Variants in BCKDHB observed in about 807,000 individuals in gnomAD.
The protein encoded by BCKDHB is 2-oxoisovalerate dehydrogenase subunit beta, mitochondrial.
In BCKDHB, 41 loss-of-function variants were observed where a neutral mutation model predicts 48.5. The ratio of observed to expected loss-of-function variants is 0.85; its 90% CI spans 0.66 to 1.10. The LOEUF is 1.10. Ranked by LOEUF, BCKDHB falls within the 50% of genes least tolerant of loss-of-function variation. BCKDHB has a pLI of 0.00. For missense variants in BCKDHB, 496 were observed against 494.2 expected, an observed-to-expected ratio of 1.00 and a Z score of -0.03; for synonymous variants, 201 against 174.8, an observed-to-expected ratio of 1.15 and a Z score of -1.18.
intron 9 of BCKDHB, among the ~76,000 whole-genome samples, chr6:80,277,116 A>G (rs1372956852): frequency 1.3e-5 from 2 of 152,052 alleles, no homozygotes; most frequent in Non-Finnish European, 2.9e-5. Flanking sequence ...ATAACTTAAA[A>G]TGCTTCTTTT....
chr6:80,107,380 TACTC>T (rs934563317), intron 1 of BCKDHB, among the ~76,000 whole-genome samples: 8 of 145,292 alleles, frequency 5.5e-5, no homozygotes, highest in African/African-American at 1.3e-4. Context: ...TCAATTCAGT[TACTC>T]AGTCCCTTGG....
chr6:80,386,525 T>A, the BCKDHB span, among the ~76,000 whole-genome samples: 1 of 152,152 alleles, frequency 6.6e-6, no homozygotes, highest in Non-Finnish European at 1.5e-5. Context: ...CTTCTCTGGA[T>A]GTCAGATCTA....
chr6:80,113,410 C>T (rs1769516871), intron 1 of BCKDHB, among the ~76,000 whole-genome samples: 1 of 152,184 alleles, frequency 6.6e-6, no homozygotes, highest in African/African-American at 2.4e-5. Flanking sequence ...GGCCTCTCAC[C>T]CAAACTGGGC....
At chr6:80,186,225 G>C (rs1054168254) in intron 6 of BCKDHB, among the ~76,000 whole-genome samples, 1 of 152,116 alleles carries the variant, frequency 6.6e-6, no homozygotes, top group Non-Finnish European at 1.5e-5. Context: ...TGAGGTGGGG[G>C]CAGGCCTAGG....
chr6:80,293,142 T>G (rs1767023060), intron 9 of BCKDHB, among the ~76,000 whole-genome samples: 1 of 152,156 alleles, frequency 6.6e-6, no homozygotes, highest in Non-Finnish European at 1.5e-5. Flanking sequence ...CTTCGCACGC[T>G]CCACTAGGGA....
At chr6:80,197,895 T>A (rs1774201389) in intron 6 of BCKDHB, among the ~76,000 whole-genome samples, 1 of 152,138 alleles carries the variant, frequency 6.6e-6, no homozygotes. Context: ...CCTCTCTGTC[T>A]ATTTGTCCAC....
intron 8 of BCKDHB, among the ~76,000 whole-genome samples, chr6:80,271,995 C>A (rs1777765637): frequency 6.6e-6 from 1 of 151,994 alleles, no homozygotes; most frequent in African/African-American, 2.4e-5. Flanking sequence ...GTGACTCTTA[C>A]AAATGGCATA....
chr6:80,207,540 A>C (rs932012412), intron 8 of BCKDHB, among the ~76,000 whole-genome samples: 1 of 151,898 alleles, frequency 6.6e-6, no homozygotes, highest in East Asian at 1.9e-4. Flanking sequence ...AAGTAATTAA[A>C]TTAAATACAA....
At chr6:80,386,697 G>A in the BCKDHB span, among the ~76,000 whole-genome samples, 1 of 152,226 alleles carries the variant, frequency 6.6e-6, no homozygotes, top group East Asian at 1.9e-4. Context: ...AGAATAGTAG[G>A]ACTTGTGTAG....
rs75167121 is a variant in BCKDHB at position 80,112,187 on chromosome 6, A to G, written c.196+5298A>G. On this transcript the variant is annotated intron_variant, in intron 1 of 9. Transcript: ENST00000320393. Reference sequence around the variant, plus strand: ...CATCTAGACATGTATACACAAACACAAATGAAGATCCAATAGCTTTTTACC... The same window carrying G: ...CATCTAGACATGTATACACAAACACGAATGAAGATCCAATAGCTTTTTACC... 2.3e-3 allele frequency among the ~76,000 whole-genome samples: 358 copies of G among 152,362 alleles called. 1 individual carries two copies. Among genetic ancestry groups the G allele is most frequent in the Non-Finnish European group, 3.4e-3 (234 of 68,034 alleles).
At chr6:80,106,964 G>A (rs528915623) in intron 1 of BCKDHB, 75 bp downstream of exon 1, 1 of 1,527,186 alleles carries the variant, frequency 6.5e-7, no homozygotes, top group Admixed American at 1.9e-5. Context: ...CGAGGGGCAG[G>A]GGCCGGCAGG....
At chr6:80,225,074 A>G (rs190182527) in intron 8 of BCKDHB, among the ~76,000 whole-genome samples, 2 of 152,234 alleles carry the variant, frequency 1.3e-5, no homozygotes, top group African/African-American at 4.8e-5. Context: ...ATTCGAAGAC[A>G]GCCTCCTCAT....
the BCKDHB span, among the ~76,000 whole-genome samples, chr6:80,417,154 G>C: frequency 6.6e-6 from 1 of 152,114 alleles, no homozygotes; most frequent in Non-Finnish European, 1.5e-5. Flanking sequence ...TGTTTTGTCT[G>C]AAATTAGGAT....
chr6:80,390,134 A>G, the BCKDHB span, among the ~76,000 whole-genome samples: 17 of 152,322 alleles, frequency 1.1e-4, no homozygotes, highest in Admixed American at 3.9e-4. Flanking sequence ...GACTAACAAG[A>G]TGAAATCAGT....
chr6:80,164,400 A>G (rs1772473767), intron 3 of BCKDHB, among the ~76,000 whole-genome samples: 1 of 151,828 alleles, frequency 6.6e-6, no homozygotes, highest in Admixed American at 6.6e-5. Flanking sequence ...ATTTATTTAA[A>G]CCCTTTGCTT....
chr6:80,267,844 C>A (rs1474321328), intron 8 of BCKDHB, among the ~76,000 whole-genome samples: 1 of 152,032 alleles, frequency 6.6e-6, no homozygotes, highest in African/African-American at 2.4e-5. Context: ...GCTTATTTTT[C>A]AGCTCTTCAT....
intron 3 of BCKDHB, among the ~76,000 whole-genome samples, chr6:80,160,801 CAT>C (rs1055255103): frequency 5.3e-5 from 8 of 152,198 alleles, no homozygotes; most frequent in Non-Finnish European, 8.8e-5. Flanking sequence ...GCATTCCACA[CAT>C]GTTTTCATTG....
Position 80,193,608 on chromosome 6 carries a change from T to C in BCKDHB, c.743-7326T>C, listed in dbSNP as rs543840965. Among the ~76,000 whole-genome samples, 19 of 151,552 alleles carry C rather than the reference T, an allele frequency of 1.3e-4. No individual in the cohort carries two copies. In the South Asian group the frequency reaches 3.1e-3, roughly 25 times the overall value. ...GGTGGCGGGCACCTGTAATCCCAGC[T>C]ACTCAGGAGGCTGAGACAGGAGAAT... is the stretch of plus-strand genomic sequence containing the variant. On this transcript the variant is annotated intron_variant, in intron 6 of 9. Coordinates refer to ENST00000320393, the MANE Select transcript of BCKDHB (RefSeq NM_183050.4).
the BCKDHB span, among the ~76,000 whole-genome samples, chr6:80,443,157 G>A: frequency 6.6e-6 from 1 of 152,198 alleles, no homozygotes; most frequent in East Asian, 1.9e-4. Flanking sequence ...CTCCTCAAGA[G>A]CACCAAGAAA....
Sources: allele counts gnomAD v4.1 joint callset (sites outside exome capture counted in the v4.1 genomes callset), GRCh38; gene constraint gnomAD v4.1.1; transcripts MANE v1.5; gene names NCBI Gene and HGNC (gene_info 2026-07-23, HGNC 2026-07-21).